Variants in RNF208 observed in about 807,000 individuals in gnomAD.
RNF208 encodes the protein ring finger protein 208.
Under a neutral mutation model 15.2 loss-of-function variants are expected in RNF208, and 7 were observed. That is an observed-to-expected ratio of 0.46 (90% CI 0.26 to 0.86). The LOEUF (loss-of-function observed/expected upper bound fraction) is 0.86. Ranked by LOEUF, RNF208 falls within the 40% of genes least tolerant of loss-of-function variation. RNF208 has a pLI of 0.16. For synonymous variants in RNF208, 211 were observed against 163.2 expected, an observed-to-expected ratio of 1.29 and a Z score of -2.23; for missense variants, 342 against 364.1, an observed-to-expected ratio of 0.94 and a Z score of 0.49.
chr9:137,222,088 G>GGGCTCCGGC lies in RNF208; in HGVS notation c.-635_-627dup, dbSNP rs971354887. On this transcript the variant is annotated 5_prime_UTR_variant, in exon 1 of 2. Transcript: ENST00000391553. Reference sequence around the variant, plus strand: ...CCGCGCCTCGGCCCGGCAGCTCGGGGGGCTCCGGCGGCTCCGGCGGCGGCC... The same window carrying GGGCTCCGGC: ...CCGCGCCTCGGCCCGGCAGCTCGGGGGGCTCCGGCGGCTCCGGCGGCTCCGGCGGCGGCC... Among the ~76,000 whole-genome samples the GGGCTCCGGC allele has an allele frequency of 1.8e-4, 26 of 147,874 alleles. No homozygotes were observed. In the South Asian group the frequency reaches 2.1e-3, roughly 12 times the overall value.
Position 137,222,026 on chromosome 9 carries a change from G to C in RNF208, c.-564C>G, listed in dbSNP as rs1835878714. Among the ~76,000 whole-genome samples the C allele has an allele frequency of 2.0e-5, 3 of 150,886 alleles. No individual in the cohort carries two copies. The highest frequency in any genetic ancestry group is 4.4e-5 in the Non-Finnish European group (3 of 67,584). ...GGCGTCCCGGCCGCGCGCCGCCGCC[G>C]CAGAGGTTGTCTCAAAGGCAGGCCC... is the stretch of plus-strand genomic sequence containing the variant. On this transcript the variant is annotated 5_prime_UTR_variant, in exon 1 of 2. Coordinates refer to ENST00000391553, the MANE Select transcript of RNF208 (RefSeq NM_031297.7).
chr9:137,220,972 C>T lies in RNF208; in HGVS notation c.241G>A (p.Asp81Asn), dbSNP rs1363241658. 2 of 1,546,066 alleles carry T rather than the reference C, an allele frequency of 1.3e-6. No individual in the cohort carries two copies. Among genetic ancestry groups the T allele is most frequent in the South Asian group, 2.4e-5 (2 of 82,566 alleles). The change falls in exon 2 of 2, where the codon GAC (aspartate) becomes AAC (asparagine). Residue 81 changes from aspartate (D) to asparagine (N), a missense_variant. By Grantham distance (23) the Asp-to-Asn change is conservative (BLOSUM62 1). This residue lies in a region of RNF208 where 207 missense variants were observed against 193.7 expected (regional missense o/e 1.07). Coordinates refer to ENST00000391553, the MANE Select transcript of RNF208 (RefSeq NM_031297.7). ...GGTGCCCCTTCCAAGGCAGGCATGT[C>T]CCCCCCACAGGCCTGGTTGACAATG... Reference protein sequence around the residue: ...EIIVNQACGGDMPALEGAPHT... With the variant: ...EIIVNQACGGNMPALEGAPHT...
Position 137,220,622 on chromosome 9 carries a change from G to C in RNF208, c.591C>G (p.Thr197=). The C allele has an allele frequency of 6.2e-7, 1 of 1,612,440 alleles. No individual in the cohort carries two copies. The highest frequency in any genetic ancestry group is 8.5e-7 in the Non-Finnish European group (1 of 1,179,852). The change falls in exon 2 of 2, where the codon ACC becomes ACG. Residue 197 remains threonine (T), a synonymous_variant. Transcript: ENST00000391553. The part of the protein sequence containing the change: ...PTCRRETVLF[T]DYGLAALAVN... ...CAGCCAGCGCGGCCAGGCCGTAGTC[G>C]GTGAAGAGCACAGTCTCACGGCGGC...
In RNF208 at chr9:137,221,504, CT is replaced by C. The variant is rs1349837399; in HGVS notation, c.-293del. On this transcript the variant is annotated 5_prime_UTR_variant, in exon 2 of 2. Transcript: ENST00000391553. The stretch of plus-strand genomic sequence containing the variant: ...CTGGGCTGGGGGTCTGGCCCAGGGT[CT>C]CACCCAGGGTCTCTGGCTGCTGAGG... 3.9e-6 allele frequency: 1 copy of C among 254,448 alleles called. No homozygotes were observed. The highest frequency in any genetic ancestry group is 6.3e-5 in the East Asian group (1 of 15,844). 15.8% of individuals were successfully genotyped at this position (254,448 alleles called of 1,614,324 possible).
Position 137,221,178 on chromosome 9 carries a change from C to T in RNF208, c.35G>A (p.Gly12Asp). ...GCAGGACATGAGGAGGCCCGGCCAG[C>T]CACTGCCCGCCTCGGGCCCGGGGTC... ...PSDPGPEAGSGWPGLLMSCLK... is the reference protein window; with the variant it reads ...PSDPGPEAGSDWPGLLMSCLK... The change falls in exon 2 of 2, where the codon GGC becomes GAC. Residue 12 changes from glycine to aspartate, a missense_variant. Physicochemically the swap from Gly to Asp is moderately conservative, Grantham distance 94. Transcript: ENST00000391553. 6.5e-7 allele frequency: 1 copy of T among 1,531,924 alleles called. No homozygotes were observed. Among genetic ancestry groups the T allele is most frequent in the Non-Finnish European group, 8.8e-7 (1 of 1,136,640 alleles). The allele number at this position is 1,531,924 out of a possible 1,614,324, so 94.9% of individuals were successfully genotyped here. A position where few individuals can be genotyped will look rare whatever the true frequency, so the allele number is the denominator to read the frequency against.
upstream of RNF208, among the ~76,000 whole-genome samples, chr9:137,222,679 G>C (rs143427357): frequency 6.6e-6 from 1 of 152,236 alleles, no homozygotes; most frequent in Non-Finnish European, 1.5e-5. Context: ...AGCTCAGATA[G>C]ATCGCTGTGA....
upstream of RNF208, among the ~76,000 whole-genome samples, chr9:137,222,299 C>A (rs1189339800): frequency 6.8e-6 from 1 of 148,122 alleles, no homozygotes; most frequent in African/African-American, 2.4e-5. Context: ...GCAGCGCCAC[C>A]CCCCGTCTGG....
At position 137,221,118 on chromosome 9, in the gene RNF208, G is replaced by A. The variant is rs1293964404; in HGVS notation, c.95C>T (p.Ala32Val). ...KGPHVILKME[A>V]MKIVHPEKFP... ...CTTTTCAGGGTGGACAATCTTCATG[G>A]CCTCCATCTTGAGGATGACATGGGG... Residue 32 changes from alanine (A) to valine (V), a missense_variant, in exon 2 of 2, where the codon GCC (alanine) becomes GTC (valine). This residue lies in a region of RNF208 where 207 missense variants were observed against 193.7 expected (regional missense o/e 1.07). Transcript: ENST00000391553. The A allele has an allele frequency of 1.9e-6, 3 of 1,604,636 alleles. No homozygotes were observed. Among genetic ancestry groups the A allele is most frequent in the Middle Eastern group, 1.6e-4 (1 of 6,066 alleles).
Position 137,220,280 on chromosome 9 carries a change from C to T in RNF208, c.*147G>A. 2 of 887,962 alleles carry T rather than the reference C, an allele frequency of 2.3e-6. No homozygotes were observed. Among genetic ancestry groups the T allele is most frequent in the South Asian group, 3.5e-5 (2 of 56,518 alleles). 55.0% of individuals were successfully genotyped at this position (887,962 alleles called of 1,614,324 possible). A position where few individuals can be genotyped will look rare whatever the true frequency, so the allele number is the denominator to read the frequency against. Reference sequence around the variant, plus strand: ...AAACTTTGGCAAAGAGTTTTAATGGCAAAGTTGGCTGCAGCGACAATGCCA... The same window carrying T: ...AAACTTTGGCAAAGAGTTTTAATGGTAAAGTTGGCTGCAGCGACAATGCCA... On this transcript the variant is annotated 3_prime_UTR_variant, in exon 2 of 2. Transcript: ENST00000391553.
chr9:137,221,047 G>C lies in RNF208; in HGVS notation c.166C>G (p.Pro56Ala), dbSNP rs1835859140. The change falls in exon 2 of 2, where the codon CCC becomes GCC. Residue 56 changes from proline to alanine, a missense_variant. Around this residue, in one of 3 missense-constraint regions of RNF208, gnomAD observed 207 missense variants for 193.7 expected, o/e 1.07. Coordinates refer to ENST00000391553, the MANE Select transcript of RNF208 (RefSeq NM_031297.7). ...AAPCFPPAPR[P>A]TPTLAPKRAW... is the part of the protein sequence containing the mutation. ...CGCTTGGGTGCCAGAGTTGGGGTGG[G>C]CCGGGGAGCAGGCGGGAAGCAGGGG... 6.3e-7 allele frequency: 1 copy of C among 1,596,110 alleles called. No individual in the cohort carries two copies. The highest frequency in any genetic ancestry group is 1.7e-5 in the Admixed American group (1 of 57,432).
At chr9:137,223,234 C>T (rs1314784815), upstream of RNF208, among the ~76,000 whole-genome samples, 1 of 152,240 alleles carries the variant, frequency 6.6e-6, no homozygotes, top group Non-Finnish European at 1.5e-5. Flanking sequence ...GAGTGTCACT[C>T]AGAAGAGCAA....
rs2131387554 is a variant in RNF208 at position 137,221,332 on chromosome 9, G to A, written c.-120C>T. Reference sequence around the variant, plus strand: ...GCCTGGGGGGGGCCCCGGACGGCCCGTGGACTCCTAGGGACAGCCGGCGAG... The same window carrying A: ...GCCTGGGGGGGGCCCCGGACGGCCCATGGACTCCTAGGGACAGCCGGCGAG... On this transcript the variant is annotated 5_prime_UTR_variant, in exon 2 of 2. It adds an upstream start codon to the 5' untranslated region. Coordinates refer to ENST00000391553, the MANE Select transcript of RNF208 (RefSeq NM_031297.7). 1 of 693,584 alleles carries A rather than the reference G, an allele frequency of 1.4e-6. No individual in the cohort carries two copies. The highest frequency in any genetic ancestry group is 2.3e-6 in the Non-Finnish European group (1 of 440,726). The allele number at this position is 693,584 out of a possible 1,614,324, so 43.0% of individuals were successfully genotyped here. A position where few individuals can be genotyped will look rare whatever the true frequency, so the allele number is the denominator to read the frequency against.
Position 137,220,470 on chromosome 9 carries a change from G to A in RNF208, c.743C>T (p.Thr248Ile). The change falls in exon 2 of 2, where the codon ACC (threonine) becomes ATC (isoleucine). Residue 248 changes from threonine (T) to isoleucine (I), a missense_variant. This residue lies in a region of RNF208 where 59 missense variants were observed against 52.4 expected (regional missense o/e 1.13). Coordinates refer to ENST00000391553, the MANE Select transcript of RNF208 (RefSeq NM_031297.7). ...GGACAGTGGGTTCCGCACGTGGCAG[G>A]TGCACGCGGCCCCACAGTACTGCCG... ...TFRQYCGAAC[T>I]CHVRNPLSAC... 1 of 1,598,858 alleles carries A rather than the reference G, an allele frequency of 6.3e-7. No individual in the cohort carries two copies. The highest frequency in any genetic ancestry group is 8.5e-7 in the Non-Finnish European group (1 of 1,172,780).
chr9:137,221,048 C>A lies in RNF208; in HGVS notation c.165G>T (p.Arg55=). 6.3e-7 allele frequency: 1 copy of A among 1,595,878 alleles called. No homozygotes were observed. The highest frequency in any genetic ancestry group is 8.5e-7 in the Non-Finnish European group (1 of 1,171,758). The change falls in exon 2 of 2, where the codon CGG becomes CGT. Residue 55 remains arginine (R), a synonymous_variant. Transcript: ENST00000391553. ...GCTTGGGTGCCAGAGTTGGGGTGGG[C>A]CGGGGAGCAGGCGGGAAGCAGGGGG... The part of the protein sequence containing the change: ...PAAPCFPPAP[R]PTPTLAPKRA...
At position 137,220,503 on chromosome 9, in the gene RNF208, T is replaced by G; in HGVS notation, c.710A>C (p.Gln237Pro). ...GGCCCCACAGTACTGCCGGAAGGTC[T>G]GGTAGCAGCTGCCCTCGGGCTCAGC... The part of the protein sequence containing the change: ...WGAEPEGSCY[Q>P]TFRQYCGAAC... The change falls in exon 2 of 2, where the codon CAG becomes CCG. Residue 237 changes from glutamine (Q) to proline (P), a missense_variant. By Grantham distance (76) the Gln-to-Pro change is moderately conservative (BLOSUM62 -1). Transcript: ENST00000391553. The G allele has an allele frequency of 6.2e-7, 1 of 1,602,092 alleles. No homozygotes were observed. Among genetic ancestry groups the G allele is most frequent in the Non-Finnish European group, 8.5e-7 (1 of 1,175,664 alleles).
At chr9:137,222,797 G>A (rs1179145707), upstream of RNF208, among the ~76,000 whole-genome samples, 2 of 152,270 alleles carry the variant, frequency 1.3e-5, no homozygotes, top group Non-Finnish European at 2.9e-5. Flanking sequence ...CCCAGTGCGG[G>A]GTGGAGGCGG....
At position 137,221,966 on chromosome 9, in the gene RNF208, C is replaced by T. The variant is rs1835877915; in HGVS notation, c.-527+23G>A. Among the ~76,000 whole-genome samples, 3 of 152,044 alleles carry T rather than the reference C, an allele frequency of 2.0e-5. 1 individual carries two copies. Among genetic ancestry groups the T allele is most frequent in the Middle Eastern group, 6.8e-3 (2 of 292 alleles). On this transcript the variant is annotated intron_variant, in intron 1 of 1. Transcript: ENST00000391553. ...TGGGGAGGGGCGCTGAGTCCGCCCC[C>T]GGCCCCCGCCCCCTGCGCTCACCTG... is the stretch of plus-strand genomic sequence containing the variant.
In RNF208 at chr9:137,220,582, G is replaced by C; in HGVS notation, c.631C>G (p.Leu211Val). 1 of 1,611,816 alleles carries C rather than the reference G, an allele frequency of 6.2e-7. No homozygotes were observed. The highest frequency in any genetic ancestry group is 8.5e-7 in the Non-Finnish European group (1 of 1,179,626). ...AGCGCCTCAGGCGGCAGGCGGCTCAGGATGGACGTGTTGACAGCCAGCGCG... is the reference window on the plus strand; with the variant it reads ...AGCGCCTCAGGCGGCAGGCGGCTCACGATGGACGTGTTGACAGCCAGCGCG... ...LAALAVNTSI[L>V]SRLPPEALTA... is the part of the protein sequence containing the mutation. The change falls in exon 2 of 2, where the codon CTG becomes GTG. Residue 211 changes from leucine (L) to valine (V), a missense_variant. Transcript: ENST00000391553.
Position 137,221,053 on chromosome 9 carries a change from GAGCAGGCGGGA to G in RNF208, c.149_159del (p.Phe50SerfsTer47), listed in dbSNP as rs1564408322. 6.2e-7 allele frequency: 1 copy of G among 1,600,178 alleles called. No individual in the cohort carries two copies. Among genetic ancestry groups the G allele is most frequent in the South Asian group, 1.1e-5 (1 of 89,084 alleles). Reference sequence around the variant, plus strand: ...GGTGCCAGAGTTGGGGTGGGCCGGGGAGCAGGCGGGAAGCAGGGGGCAGCCGGTAGCTCAGG... The same window carrying G: ...GGTGCCAGAGTTGGGGTGGGCCGGGGAGCAGGGGGCAGCCGGTAGCTCAGG... On this transcript the variant is annotated frameshift_variant, in exon 2 of 2. Coordinates refer to ENST00000391553, the MANE Select transcript of RNF208 (RefSeq NM_031297.7). LOFTEE classifies it high-confidence loss of function.
Sources: allele counts gnomAD v4.1 joint callset (sites outside exome capture counted in the v4.1 genomes callset), GRCh38; gene constraint gnomAD v4.1.1; regional missense constraint gnomAD v4.1.1; transcripts MANE v1.5; gene names NCBI Gene and HGNC (gene_info 2026-07-23, HGNC 2026-07-21).